EXOC6B: variants seen among roughly 807,000 people sequenced by gnomAD.
EXOC6B encodes exocyst complex component 6B.
A neutral mutation model predicts 113.5 loss-of-function variants in EXOC6B; 54 were observed. The observed-to-expected ratio is 0.48, with a 90% CI of 0.38 to 0.60. The LOEUF (loss-of-function observed/expected upper bound fraction) is 0.60, where lower values mean the gene tolerates loss of function less well. Ranked by LOEUF, EXOC6B falls within the 20% of genes least tolerant of loss-of-function variation. The probability of loss-of-function intolerance (pLI) is 0.00; values close to 1 mark genes in which losing one functional copy is unlikely to be tolerated. For synonymous variants in EXOC6B, 357 were observed against 339.0 expected, an observed-to-expected ratio of 1.05 and a Z score of -0.58; for missense variants, 797 against 977.5, an observed-to-expected ratio of 0.82 and a Z score of 2.46.
intron 18 of EXOC6B, among the ~76,000 whole-genome samples, chr2:72,451,302 A>G (rs1458381939): frequency 2.6e-5 from 4 of 152,170 alleles, no homozygotes; most frequent in African/African-American, 9.7e-5. Flanking sequence ...CTGTTGAAAG[A>G]CTGCTTCCCA....
rs978449827 is a variant in EXOC6B at position 72,826,004 on chromosome 2, G to C, written c.-94C>G. ...CGCTCCCACCACAGGCTCCACAGCCGCCCCAGCCTCTGGCTACCCGCAGGC... is the reference window on the plus strand; with the variant it reads ...CGCTCCCACCACAGGCTCCACAGCCCCCCCAGCCTCTGGCTACCCGCAGGC... On this transcript the variant is annotated 5_prime_UTR_variant, in exon 1 of 22. Coordinates refer to ENST00000272427, the MANE Select transcript of EXOC6B (RefSeq NM_015189.3). The C allele has an allele frequency of 8.0e-6, 12 of 1,505,968 alleles. No individual in the cohort carries two copies. The highest frequency in any genetic ancestry group is 8.0e-6 in the Non-Finnish European group (9 of 1,125,506). 93.3% of individuals were successfully genotyped at this position (1,505,968 alleles called of 1,614,324 possible). A position where few individuals can be genotyped will look rare whatever the true frequency, so the allele number is the denominator to read the frequency against.
intron 18 of EXOC6B, among the ~76,000 whole-genome samples, chr2:72,387,156 CA>C (rs1692080215): frequency 6.6e-6 from 1 of 152,150 alleles, no homozygotes; most frequent in South Asian, 2.1e-4. Context: ...TACACTCACA[CA>C]CACAGTTATA....
At chr2:72,673,744 T>A (rs1676082089) in intron 6 of EXOC6B, among the ~76,000 whole-genome samples, 1 of 149,626 alleles carries the variant, frequency 6.7e-6, no homozygotes, top group Non-Finnish European at 1.5e-5. Context: ...ATTTTATTTT[T>A]TTATTTATTT....
At chr2:72,194,783 G>A (rs1679067829) in intron 20 of EXOC6B, among the ~76,000 whole-genome samples, 1 of 152,124 alleles carries the variant, frequency 6.6e-6, no homozygotes, top group Non-Finnish European at 1.5e-5. Context: ...CTGTGGTAGA[G>A]AGAGGTTCCA....
intron 20 of EXOC6B, among the ~76,000 whole-genome samples, chr2:72,191,308 G>GT (rs983814658): frequency 2.0e-5 from 3 of 151,902 alleles, no homozygotes; most frequent in East Asian, 1.9e-4. Flanking sequence ...ATATTTCCTT[G>GT]TTTTTTTCAG....
chr2:72,506,597 A>G (rs1700610469), intron 11 of EXOC6B, among the ~76,000 whole-genome samples: 1 of 152,202 alleles, frequency 6.6e-6, no homozygotes, highest in South Asian at 2.1e-4. Context: ...AATATCTTAT[A>G]TATAAAATAC....
intron 16 of EXOC6B, 62 bp from the exon 17 acceptor site, chr2:72,480,812 A>T (rs1027202856): frequency 8.7e-6 from 13 of 1,493,712 alleles, no homozygotes; most frequent in Non-Finnish European, 1.2e-5. Context: ...GAATGGCTCA[A>T]TATGAATCTG....
chr2:72,375,623 A>G (rs1691309950), intron 19 of EXOC6B, among the ~76,000 whole-genome samples: 2 of 152,214 alleles, frequency 1.3e-5, no homozygotes, highest in African/African-American at 4.8e-5. Context: ...TAAAAATTAA[A>G]ACATGACATA....
chr2:72,385,537 T>C (rs1457224353), intron 18 of EXOC6B, among the ~76,000 whole-genome samples: 2 of 151,510 alleles, frequency 1.3e-5, no homozygotes, highest in African/African-American at 4.8e-5. Context: ...ACTAAAAAGC[T>C]TCAGGACAGC....
intron 8 of EXOC6B, among the ~76,000 whole-genome samples, chr2:72,556,959 G>GAA (rs935682072): frequency 6.7e-6 from 1 of 149,808 alleles, no homozygotes; most frequent in Non-Finnish European, 1.5e-5. Flanking sequence ...AGAAAGGAGG[G>GAA]AAAAAAACAA....
intron 20 of EXOC6B, among the ~76,000 whole-genome samples, chr2:72,218,217 A>C (rs1377483795): frequency 6.6e-6 from 1 of 152,246 alleles, no homozygotes; most frequent in Non-Finnish European, 1.5e-5. Context: ...GTAAGGCTGC[A>C]AAGTGGCAAC....
At chr2:72,333,715 A>G (rs1688531758) in intron 20 of EXOC6B, among the ~76,000 whole-genome samples, 1 of 152,040 alleles carries the variant, frequency 6.6e-6, no homozygotes, top group South Asian at 2.1e-4. Context: ...CCCAAATATT[A>G]AGTTGACACA....
At chr2:72,814,254 G>A (rs1024863290) in intron 1 of EXOC6B, among the ~76,000 whole-genome samples, 1 of 152,088 alleles carries the variant, frequency 6.6e-6, no homozygotes, top group Non-Finnish European at 1.5e-5. Context: ...TTTATCTAAC[G>A]TACAATAGAA....
chr2:72,405,202 T>A (rs1293683302), intron 18 of EXOC6B, among the ~76,000 whole-genome samples: 1 of 152,178 alleles, frequency 6.6e-6, no homozygotes, highest in Non-Finnish European at 1.5e-5. Flanking sequence ...TGGGACTATG[T>A]GGAAAGACCA....
intron 6 of EXOC6B, among the ~76,000 whole-genome samples, chr2:72,631,455 T>G (rs1672440940): frequency 4.4e-4 from 8 of 18,356 alleles, no homozygotes; most frequent in South Asian, 2.9e-3. Context: ...TATATATATA[T>G]ATATATAGAG....
intron 18 of EXOC6B, among the ~76,000 whole-genome samples, chr2:72,401,608 TATATATATATATAC>T (rs1693284086): frequency 1.4e-4 from 4 of 28,802 alleles, no homozygotes; most frequent in South Asian, 7.4e-4. Context: ...TATATGTGTA[TATATATATATATAC>T]ATATATATAT....
chr2:72,467,556 A>G (rs944270000), intron 17 of EXOC6B, among the ~76,000 whole-genome samples: 1 of 152,026 alleles, frequency 6.6e-6, no homozygotes, highest in Non-Finnish European at 1.5e-5. Flanking sequence ...TTGTGGTTTT[A>G]GTTTGCATTT....
At chr2:72,773,416 C>A in intron 1 of EXOC6B, among the ~76,000 whole-genome samples, 2 of 147,262 alleles carry the variant, frequency 1.4e-5, no homozygotes, top group Non-Finnish European at 1.5e-5. Flanking sequence ...AGGTATGAGC[C>A]ACCATACCGG....
At chr2:72,728,093 G>T (rs1398935702) in intron 5 of EXOC6B, among the ~76,000 whole-genome samples, 1 of 152,068 alleles carries the variant, frequency 6.6e-6, no homozygotes, top group Non-Finnish European at 1.5e-5. Flanking sequence ...GTTACCAAGA[G>T]GTAGAATAAC....
Sources: allele counts gnomAD v4.1 joint callset (sites outside exome capture counted in the v4.1 genomes callset), GRCh38; gene constraint gnomAD v4.1.1; transcripts MANE v1.5; gene names NCBI Gene and HGNC (gene_info 2026-07-23, HGNC 2026-07-21).